Variants in SLC4A2 observed in about 807,000 individuals in gnomAD.
SLC4A2 encodes the protein solute carrier family 4 member 2, also known as anion exchange protein 2.
In SLC4A2, 36 loss-of-function variants were observed where a neutral mutation model predicts 115.0. The observed-to-expected ratio is 0.31, with a 90% CI of 0.24 to 0.41. SLC4A2 has a LOEUF of 0.41. Ranked by LOEUF, SLC4A2 falls within the 10% of genes least tolerant of loss-of-function variation. The probability of loss-of-function intolerance (pLI) is 1.00; values close to 1 mark genes in which losing one functional copy is unlikely to be tolerated. For synonymous variants in SLC4A2, 708 were observed against 708.3 expected, an observed-to-expected ratio of 1.00 and a Z score of 0.01; for missense variants, 1,252 against 1,705.6, an observed-to-expected ratio of 0.73 and a Z score of 4.68.
chr7:151,075,780 GC>G lies in SLC4A2; in HGVS notation c.3471+11del. The stretch of plus-strand genomic sequence containing the variant: ...GATGTCACTTACGTCAAGAAGGTGA[GC>G]CCCCCAGCTCCCCACCGGAAGGGGT... On this transcript the variant is annotated splice_donor_region_variant and intron_variant, in intron 21 of 22. Transcript: ENST00000413384. 6 of 1,600,314 alleles carry G rather than the reference GC, an allele frequency of 3.7e-6. No homozygotes were observed. The highest frequency in any genetic ancestry group is 1.3e-5 in the African/African-American group (1 of 74,710).
chr7:151,061,627 G>T, intron 1 of SLC4A2: 1 of 283,768 alleles, frequency 3.5e-6, no homozygotes, highest in Non-Finnish European at 6.7e-6. Flanking sequence ...CTTTCTCTCC[G>T]GGCCTGGGCC....
rs35151133 is a variant in SLC4A2, at chr7:151,068,269, G to A, written c.1147+215G>A. ...ATGTGTTTTGGTTGCGAAAATGTTC[G>A]AGAAGCTATTTAGATGTAAAGCTTT... On this transcript the variant is annotated intron_variant, in intron 8 of 22. Coordinates refer to ENST00000413384, the MANE Select transcript of SLC4A2 (RefSeq NM_003040.4). 1.9e-3 allele frequency among the ~76,000 whole-genome samples: 285 copies of A among 152,298 alleles called. 1 individual carries two copies. Among genetic ancestry groups the A allele is most frequent in the African/African-American group, 6.3e-3 (262 of 41,558 alleles).
intron 2 of SLC4A2, chr7:151,063,133 G>T (rs946504475): frequency 2.7e-6 from 4 of 1,500,270 alleles, no homozygotes; most frequent in South Asian, 2.4e-5. Context: ...TACAAGCGCC[G>T]CATTCCCTGC....
At chr7:151,062,485 A>G (rs910149817) in intron 2 of SLC4A2, 491 of 1,289,872 alleles carry the variant, frequency 3.8e-4, no homozygotes, top group Non-Finnish European at 4.7e-4. Flanking sequence ...ACCGCTCCAC[A>G]TGGCCCCCTT....
At chr7:151,062,456 T>G in intron 2 of SLC4A2, 79 of 351,674 alleles carry the variant, frequency 2.2e-4, no homozygotes, top group Non-Finnish European at 2.7e-4. Context: ...GGCCCGCCCC[T>G]CCCTGCCCCC....
Position 151,067,854 on chromosome 7 carries a change from C to T in SLC4A2, c.967-20C>T. The T allele has an allele frequency of 6.2e-7, 1 of 1,610,630 alleles. No homozygotes were observed. Among genetic ancestry groups the T allele is most frequent in the South Asian group, 1.1e-5 (1 of 90,572 alleles). On this transcript the variant is annotated intron_variant, in intron 7 of 22. Coordinates refer to ENST00000413384, the MANE Select transcript of SLC4A2 (RefSeq NM_003040.4). ...GCCTCCGGCTCTGTACCCTGAAATGCCTTCTCTTCTCTCCCCAAGGTGTTT... is the reference window on the plus strand; with the variant it reads ...GCCTCCGGCTCTGTACCCTGAAATGTCTTCTCTTCTCTCCCCAAGGTGTTT...
intron 2 of SLC4A2, chr7:151,062,744 C>T: frequency 7.2e-7 from 1 of 1,396,744 alleles, no homozygotes; most frequent in Admixed American, 3.2e-5. Context: ...CACGGGGCTG[C>T]TTCTGGTGGG....
chr7:151,066,067 G>A (rs1454990758), intron 5 of SLC4A2, among the ~76,000 whole-genome samples: 1 of 152,192 alleles, frequency 6.6e-6, no homozygotes, highest in Non-Finnish European at 1.5e-5. Flanking sequence ...ATAGGCCCCT[G>A]TGAACCTCTG....
chr7:151,069,140 CA>C lies in SLC4A2; in HGVS notation c.1148-788del, dbSNP rs397978007. Among the ~76,000 whole-genome samples, 83 of 40,924 alleles carry C rather than the reference CA, an allele frequency of 2.0e-3. 4 individuals carry two copies. The highest frequency in any genetic ancestry group is 5.3e-3 in the African/African-American group (54 of 10,198). 26.8% of individuals were successfully genotyped at this position (40,924 alleles called of 152,430 possible). A position where few individuals can be genotyped will look rare whatever the true frequency, so the allele number is the denominator to read the frequency against. ...AACGACAGAGCGAGACTCTTATCACCAAAAAAAAAAAAAAAAAAAGCAGCTG... is the reference window on the plus strand; with the variant it reads ...AACGACAGAGCGAGACTCTTATCACCAAAAAAAAAAAAAAAAAAGCAGCTG... On this transcript the variant is annotated intron_variant, in intron 8 of 22. Transcript: ENST00000413384.
chr7:151,072,331 G>A (rs1797469539), intron 16 of SLC4A2, among the ~76,000 whole-genome samples, 195 bp downstream of exon 16: 1 of 152,178 alleles, frequency 6.6e-6, no homozygotes, highest in Admixed American at 6.5e-5. Context: ...TTACTCTGTT[G>A]CCCAGGCTGG....
chr7:151,066,491 G>GGC (rs1212606825), intron 5 of SLC4A2, 26 bp from the exon 6 acceptor site: 2 of 1,470,098 alleles, frequency 1.4e-6, no homozygotes, highest in Non-Finnish European at 1.8e-6. Flanking sequence ...AGGTTTCTCG[G>GGC]GCTCACGGCC....
chr7:151,072,385 G>A (rs1216444395), intron 16 of SLC4A2, among the ~76,000 whole-genome samples: 1 of 152,168 alleles, frequency 6.6e-6, no homozygotes, highest in East Asian at 1.9e-4. Flanking sequence ...TCTGCCTCCT[G>A]GGTTCAAGCG....
Position 151,070,453 on chromosome 7 carries a change from C to A in SLC4A2, c.1450-4C>A. ...CTGGGCTGAGCCCTGTCTGTGTCCC[C>A]CAGCGTGAGCTGCCGCCTCCAGCAC... On this transcript the variant is annotated splice_polypyrimidine_tract_variant and splice_region_variant and intron_variant, in intron 10 of 22. Coordinates refer to ENST00000413384, the MANE Select transcript of SLC4A2 (RefSeq NM_003040.4). 1 of 1,611,412 alleles carries A rather than the reference C, an allele frequency of 6.2e-7. No individual in the cohort carries two copies. Among genetic ancestry groups the A allele is most frequent in the Admixed American group, 1.7e-5 (1 of 59,684 alleles).
At chr7:151,062,764 G>A (rs1443227898) in intron 2 of SLC4A2, 2 of 1,377,714 alleles carry the variant, frequency 1.5e-6, no homozygotes, top group Admixed American at 6.8e-5. Flanking sequence ...GAGTGGGGCT[G>A]GGCGCTTAGG....
chr7:151,066,972 G>T lies in SLC4A2; in HGVS notation c.945G>T (p.Arg315=), dbSNP rs188912567. Reference sequence around the variant, plus strand: ...GCCCCACACCTCGGGCCCGACCCCGGGCCCCCCACAAGCCCCATGAGGTAC... The same window carrying T: ...GCCCCACACCTCGGGCCCGACCCCGTGCCCCCCACAAGCCCCATGAGGTAC... The part of the protein sequence containing the change: ...EPGPTPRARP[R]APHKPHEVFV... Residue 315 remains arginine (R), a synonymous_variant, in exon 7 of 23, where the codon CGG becomes CGT. Coordinates refer to ENST00000413384, the MANE Select transcript of SLC4A2 (RefSeq NM_003040.4). 18 of 1,605,504 alleles carry T rather than the reference G, an allele frequency of 1.1e-5. No homozygotes were observed. The East Asian group carries it at 3.3e-4, about 30-fold the overall frequency.
chr7:151,068,831 T>A lies in SLC4A2; in HGVS notation c.1147+777T>A, dbSNP rs73474642. Reference sequence around the variant, plus strand: ...CACTGTGCCTGGCTTAAAATTAAATTAAAAAAAAAAAAGTAAACGAAGCAG... The same window carrying A: ...CACTGTGCCTGGCTTAAAATTAAATAAAAAAAAAAAAAGTAAACGAAGCAG... On this transcript the variant is annotated intron_variant, in intron 8 of 22. Coordinates refer to ENST00000413384, the MANE Select transcript of SLC4A2 (RefSeq NM_003040.4). 8.6e-3 allele frequency among the ~76,000 whole-genome samples: 1,267 copies of A among 146,956 alleles called. 4 individuals are homozygous for A. Among genetic ancestry groups the A allele is most frequent in the Non-Finnish European group, 0.013 (845 of 66,556 alleles).
intron 2 of SLC4A2, chr7:151,062,430 G>T (rs1797080543): frequency 1.0e-6 from 1 of 971,020 alleles, no homozygotes; most frequent in Non-Finnish European, 1.4e-6. Flanking sequence ...CACGCCCCCT[G>T]CCCACGTGCC....
At chr7:151,070,422 G>A (rs773064157) in intron 10 of SLC4A2, 35 bp from the exon 11 acceptor site, 1 of 1,611,104 alleles carries the variant, frequency 6.2e-7, no homozygotes, top group Non-Finnish European at 8.5e-7. Context: ...AGTGGGAGGG[G>A]CCTGGCTGGG....
chr7:151,071,947 T>C lies in SLC4A2; in HGVS notation c.2346T>C (p.Cys782=). Residue 782 remains cysteine, a synonymous_variant, in exon 16 of 23, where the codon TGT becomes TGC. Transcript: ENST00000413384. The surrounding 1 kb of genome is among the most constrained non-coding windows in gnomAD (Gnocchi z 5.5). ...CTGACTGCCCCTCCCTCCAGTTCTG[T>C]AGCAGCAACCACCTGGAGTACCTGG... ...LVFEEAFFSF[C]SSNHLEYLVG... 6.2e-7 allele frequency: 1 copy of C among 1,613,792 alleles called. No individual in the cohort carries two copies. The highest frequency in any genetic ancestry group is 1.3e-5 in the African/African-American group (1 of 74,974).
Sources: allele counts gnomAD v4.1 joint callset (sites outside exome capture counted in the v4.1 genomes callset), GRCh38; gene constraint gnomAD v4.1.1; non-coding constraint Gnocchi (gnomAD v3.1); transcripts MANE v1.5; gene names NCBI Gene and HGNC (gene_info 2026-07-23, HGNC 2026-07-21).